The following PPFIA2 variants were observed in gnomAD, a reference collection of about 807,000 sequenced individuals.
The protein encoded by PPFIA2 is liprin-alpha-2.
In PPFIA2, 46 loss-of-function variants were observed where a neutral mutation model predicts 175.5. That is an observed-to-expected ratio of 0.26 (90% CI 0.21 to 0.34). The LOEUF (loss-of-function observed/expected upper bound fraction) is 0.34. PPFIA2 is among the 10% of genes least tolerant of loss of function. The pLI is 1.00. For synonymous variants in PPFIA2, 568 were observed against 511.4 expected, an observed-to-expected ratio of 1.11 and a Z score of -1.49; for missense variants, 1,179 against 1,506.1, an observed-to-expected ratio of 0.78 and a Z score of 3.60.
chr12:81,598,639 C>CTT (rs376627014), intron 4 of PPFIA2, among the ~76,000 whole-genome samples: 113 of 145,608 alleles, frequency 7.8e-4, no homozygotes, highest in African/African-American at 2.7e-3. Context: ...TTTACAAAGC[C>CTT]TTTTTTTTTT....
intron 21 of PPFIA2, among the ~76,000 whole-genome samples, chr12:81,332,130 C>T (rs527976256): frequency 2.4e-4 from 37 of 152,086 alleles, no homozygotes; most frequent in Non-Finnish European, 3.8e-4. Flanking sequence ...ATCCTTAACT[C>T]TCACTTCTGC....
rs117415222 is a variant in PPFIA2, at chr12:81,439,780, G to C, written c.645+192C>G. On this transcript the variant is annotated intron_variant, in intron 7 of 32. Coordinates refer to ENST00000549396, the MANE Select transcript of PPFIA2 (RefSeq NM_003625.5). Reference sequence around the variant, plus strand: ...CTTTTGATAATTTTCCTTTGGTCTAGTAGTGACACATATAAATAACCAAAA... The same window carrying C: ...CTTTTGATAATTTTCCTTTGGTCTACTAGTGACACATATAAATAACCAAAA... The C allele has an allele frequency of 2.5e-3, 1,388 of 559,476 alleles. 19 individuals are homozygous for C. The East Asian group carries it at 0.029, about 12-fold the overall frequency. The allele number at this position is 559,476 out of a possible 1,614,324, so 34.7% of individuals were successfully genotyped here. A position where few individuals can be genotyped will look rare whatever the true frequency, so the allele number is the denominator to read the frequency against.
At chr12:81,322,988 A>G (rs2054001505) in intron 22 of PPFIA2, among the ~76,000 whole-genome samples, 1 of 152,162 alleles carries the variant, frequency 6.6e-6, no homozygotes, top group African/African-American at 2.4e-5. Context: ...AATTTACTGG[A>G]TGGTAAGTGT....
intron 9 of PPFIA2, among the ~76,000 whole-genome samples, chr12:81,380,743 T>G (rs536205129): frequency 6.6e-6 from 1 of 152,286 alleles, no homozygotes; most frequent in Non-Finnish European, 1.5e-5. Flanking sequence ...TTTGGCAAGT[T>G]ACTTTACCTC....
At chr12:81,663,393 T>C (rs1361521684) in intron 4 of PPFIA2, among the ~76,000 whole-genome samples, 1 of 151,954 alleles carries the variant, frequency 6.6e-6, no homozygotes, top group Admixed American at 6.6e-5. Flanking sequence ...TATACACCAA[T>C]AACAGACAAA....
At chr12:81,262,165 A>C in intron 31 of PPFIA2, 125 bp from the exon 32 acceptor site, 1 of 669,722 alleles carries the variant, frequency 1.5e-6, no homozygotes. Flanking sequence ...TTTCTCTCAG[A>C]TATAAGCCAC....
intron 3 of PPFIA2, among the ~76,000 whole-genome samples, chr12:81,699,752 C>T (rs1020914296): frequency 2.0e-5 from 3 of 151,950 alleles, no homozygotes; most frequent in African/African-American, 7.2e-5. Flanking sequence ...TCTGAATACA[C>T]ATGTCTTAAC....
chr12:81,582,711 A>G (rs1461092208), intron 4 of PPFIA2, among the ~76,000 whole-genome samples: 1 of 151,818 alleles, frequency 6.6e-6, no homozygotes, highest in Admixed American at 6.6e-5. Context: ...ACTTTATTTC[A>G]GTTACAATAT....
chr12:81,698,763 TAC>T (rs67686939), intron 3 of PPFIA2, among the ~76,000 whole-genome samples: 58,034 of 131,960 alleles, frequency 0.44, 12,150 homozygotes, highest in Non-Finnish European at 0.54. Context: ...TAGTCCTTTA[TAC>T]ACACACACAC....
At chr12:81,296,389 A>C (rs1339920299) in intron 23 of PPFIA2, among the ~76,000 whole-genome samples, 3 of 152,196 alleles carry the variant, frequency 2.0e-5, no homozygotes, top group Non-Finnish European at 4.4e-5. Context: ...CAATTAAACC[A>C]GCAGTGCTAT....
intron 4 of PPFIA2, among the ~76,000 whole-genome samples, chr12:81,465,543 C>G (rs2055453721): frequency 6.6e-6 from 1 of 152,112 alleles, no homozygotes; most frequent in Non-Finnish European, 1.5e-5. Flanking sequence ...CCCTCATTTA[C>G]TGTAGTTTGG....
chr12:81,672,108 A>T (rs1276875074), intron 4 of PPFIA2, among the ~76,000 whole-genome samples: 1 of 151,894 alleles, frequency 6.6e-6, no homozygotes, highest in African/African-American at 2.4e-5. Flanking sequence ...TGTACACTCA[A>T]ATATATATTG....
At chr12:81,573,647 T>A (rs2072979711) in intron 4 of PPFIA2, among the ~76,000 whole-genome samples, 1 of 151,826 alleles carries the variant, frequency 6.6e-6, no homozygotes, top group African/African-American at 2.4e-5. Context: ...ACCACCACAA[T>A]CATGAAGCAC....
Position 81,260,821 on chromosome 12 carries a change from G to A in PPFIA2, c.*33+1128C>T, listed in dbSNP as rs150304118. Reference sequence around the variant, plus strand: ...GTGCACACATTTTGTTCTAAATATCGCTCTTAAAAAGTATTTTTCTAAAAT... The same window carrying A: ...GTGCACACATTTTGTTCTAAATATCACTCTTAAAAAGTATTTTTCTAAAAT... On this transcript the variant is annotated intron_variant, in intron 32 of 32. Coordinates refer to ENST00000549396, the MANE Select transcript of PPFIA2 (RefSeq NM_003625.5). 8 of 151,872 alleles carry A rather than the reference G, an allele frequency of 5.3e-5. No individual in the cohort carries two copies. The East Asian group carries it at 1.2e-3, about 22-fold the overall frequency. The allele number at this position is 151,872 out of a possible 1,614,324, so 9.4% of individuals were successfully genotyped here.
chr12:81,487,822 T>C (rs1268375158), intron 4 of PPFIA2, among the ~76,000 whole-genome samples: 1 of 151,750 alleles, frequency 6.6e-6, no homozygotes, highest in African/African-American at 2.4e-5. Flanking sequence ...GACAAAACTA[T>C]ATGGAAAGAA....
At chr12:81,477,437 T>C (rs2057623885) in intron 4 of PPFIA2, among the ~76,000 whole-genome samples, 1 of 152,150 alleles carries the variant, frequency 6.6e-6, no homozygotes, top group South Asian at 2.1e-4. Context: ...TTGAATATTT[T>C]GAAAGTGATG....
At chr12:81,601,597 C>CTT in intron 4 of PPFIA2, among the ~76,000 whole-genome samples, 1 of 148,334 alleles carries the variant, frequency 6.7e-6, no homozygotes, top group Admixed American at 6.8e-5. Flanking sequence ...ACATTTGACA[C>CTT]TTTTTTTTTT....
chr12:81,351,051 G>T (rs935723583), intron 17 of PPFIA2, among the ~76,000 whole-genome samples: 9 of 152,058 alleles, frequency 5.9e-5, no homozygotes, highest in African/African-American at 1.9e-4. Context: ...GACAGAAAAA[G>T]CTGATGTCAT....
chr12:81,602,522 G>T (rs147167880), intron 4 of PPFIA2, among the ~76,000 whole-genome samples: 1 of 151,180 alleles, frequency 6.6e-6, no homozygotes, highest in East Asian at 1.9e-4. Flanking sequence ...CTAGAATAAA[G>T]ATATATTTTA....
Sources: gnomAD v4.1 joint callset for allele counts (sites outside exome capture counted in the v4.1 genomes callset) on GRCh38, gnomAD v4.1.1 for gene constraint, MANE v1.5 for transcripts, NCBI Gene and HGNC (gene_info 2026-07-23, HGNC 2026-07-21) for gene names.